Variants in ERBB4 observed in about 807,000 individuals in gnomAD.
ERBB4 encodes the protein receptor tyrosine-protein kinase erbB-4.
Under a neutral mutation model 158.0 loss-of-function variants are expected in ERBB4, and 42 were observed. The ratio of observed to expected loss-of-function variants is 0.27; its 90% CI spans 0.21 to 0.34. The LOEUF (loss-of-function observed/expected upper bound fraction) is 0.34. Among genes scored for constraint, ERBB4 ranks in the 10% least tolerant of loss-of-function variants. The probability of loss-of-function intolerance (pLI) is 1.00; values close to 1 mark genes in which losing one functional copy is unlikely to be tolerated. For missense variants in ERBB4, 1,333 were observed against 1,624.1 expected (o/e 0.82, Z 3.08); for synonymous variants, 583 against 558.7 (o/e 1.04, Z -0.61).
chr2:211,683,394 T>C (rs1000844852), intron 12 of ERBB4, among the ~76,000 whole-genome samples: 10 of 152,180 alleles, frequency 6.6e-5, no homozygotes, highest in Admixed American at 6.5e-5. Context: ...TCCATTACTA[T>C]AATTTGGTAA....
chr2:211,834,251 C>T (rs1193232796), intron 3 of ERBB4, among the ~76,000 whole-genome samples: 2 of 152,084 alleles, frequency 1.3e-5, no homozygotes, highest in East Asian at 1.9e-4. Flanking sequence ...TGTAAATTCA[C>T]CCTGAAGCAA....
At chr2:211,400,703 C>G (rs968201628) in intron 25 of ERBB4, among the ~76,000 whole-genome samples, 2 of 151,386 alleles carry the variant, frequency 1.3e-5, no homozygotes, top group Admixed American at 6.6e-5. Context: ...TAAATAAGAT[C>G]TAGTATTTGA....
intron 12 of ERBB4, 45 bp from the exon 13 acceptor site, chr2:211,679,229 T>A: frequency 6.2e-7 from 1 of 1,607,396 alleles, no homozygotes; most frequent in East Asian, 2.2e-5. Context: ...GAGGATTGTG[T>A]CAAAACTTAA....
At chr2:212,514,453 T>C (rs1691711217) in intron 1 of ERBB4, among the ~76,000 whole-genome samples, 1 of 152,208 alleles carries the variant, frequency 6.6e-6, no homozygotes, top group African/African-American at 2.4e-5. Flanking sequence ...ACATTAGTTG[T>C]CATGTATACC....
At chr2:211,911,819 T>G (rs2079547141) in intron 3 of ERBB4, among the ~76,000 whole-genome samples, 1 of 143,836 alleles carries the variant, frequency 7.0e-6, no homozygotes, top group Non-Finnish European at 1.5e-5. Flanking sequence ...TTTTATTCTT[T>G]TCTTTTTTTT....
chr2:211,502,228 T>C (rs2065635016), intron 20 of ERBB4, among the ~76,000 whole-genome samples: 1 of 152,174 alleles, frequency 6.6e-6, no homozygotes, highest in African/African-American at 2.4e-5. Flanking sequence ...AGAGTTTGCA[T>C]GTGCTCATAA....
chr2:211,383,474 C>A lies in ERBB4; in HGVS notation c.*141G>T, dbSNP rs962446656. 2 of 696,924 alleles carry A rather than the reference C, an allele frequency of 2.9e-6. No individual in the cohort carries two copies. The highest frequency in any genetic ancestry group is 3.5e-5 in the African/African-American group (2 of 56,514). 43.2% of individuals were successfully genotyped at this position (696,924 alleles called of 1,614,324 possible). ...ATGTTCAAGTTAGGTAAGCACATAA[C>A]TATCATTGCATCTCTGTATCTTCCA... On this transcript the variant is annotated 3_prime_UTR_variant, in exon 28 of 28. Transcript: ENST00000342788.
intron 2 of ERBB4, among the ~76,000 whole-genome samples, chr2:212,121,846 C>T (rs560737854): frequency 2.0e-5 from 3 of 152,182 alleles, no homozygotes; most frequent in East Asian, 3.9e-4. Context: ...CATTGAAATG[C>T]CCTTCTCTTA....
chr2:211,600,204 C>T (rs1008633927), intron 19 of ERBB4, among the ~76,000 whole-genome samples: 4 of 152,150 alleles, frequency 2.6e-5, no homozygotes, highest in Non-Finnish European at 4.4e-5. Flanking sequence ...TAGGATTTTT[C>T]AATTTCATTT....
At chr2:211,689,415 T>A (rs2072708577) in intron 12 of ERBB4, among the ~76,000 whole-genome samples, 1 of 152,104 alleles carries the variant, frequency 6.6e-6, no homozygotes, top group Non-Finnish European at 1.5e-5. Flanking sequence ...CCCAGGCTGG[T>A]CTCGAACTCT....
intron 12 of ERBB4, among the ~76,000 whole-genome samples, chr2:211,687,015 G>A (rs1236409061): frequency 6.6e-6 from 1 of 152,112 alleles, no homozygotes; most frequent in African/African-American, 2.4e-5. Context: ...CCAATACTGG[G>A]CTGGGCGTGG....
chr2:212,417,957 C>A (rs1469132261), intron 1 of ERBB4, among the ~76,000 whole-genome samples: 2 of 151,886 alleles, frequency 1.3e-5, no homozygotes, highest in Non-Finnish European at 2.9e-5. Flanking sequence ...GTGAAGCTCT[C>A]ATGATGAAAT....
chr2:212,129,300 G>A (rs1474679893), intron 1 of ERBB4, among the ~76,000 whole-genome samples: 4 of 151,522 alleles, frequency 2.6e-5, no homozygotes, highest in Non-Finnish European at 4.4e-5. Flanking sequence ...GGTGTATTCT[G>A]ACCTTTTATA....
intron 20 of ERBB4, among the ~76,000 whole-genome samples, chr2:211,490,032 A>G (rs2065300185): frequency 6.6e-6 from 1 of 152,086 alleles, no homozygotes; most frequent in African/African-American, 2.4e-5. Flanking sequence ...AGAGGTGATT[A>G]GGCCATGAGG....
At chr2:211,590,559 G>A (rs974895207) in intron 19 of ERBB4, among the ~76,000 whole-genome samples, 7 of 151,730 alleles carry the variant, frequency 4.6e-5, no homozygotes, top group East Asian at 1.9e-4. Flanking sequence ...AAGAAGACAG[G>A]GACCCCCCTC....
At chr2:212,180,823 C>T (rs532396480) in intron 1 of ERBB4, among the ~76,000 whole-genome samples, 1 of 151,736 alleles carries the variant, frequency 6.6e-6, no homozygotes, top group African/African-American at 2.4e-5. Context: ...TGATTACACT[C>T]TTGGGGACAT....
chr2:212,336,842 C>CT (rs35847619), intron 1 of ERBB4, among the ~76,000 whole-genome samples: 147,959 of 152,102 alleles, frequency 0.97, 72,016 homozygotes, highest in Middle Eastern at 1. Context: ...AGCAATGTCT[C>CT]CAAGCTCTAA....
chr2:211,588,658 A>G (rs989797518), intron 19 of ERBB4, among the ~76,000 whole-genome samples: 9 of 152,182 alleles, frequency 5.9e-5, no homozygotes, highest in African/African-American at 2.2e-4. Flanking sequence ...GAGGTTAAGT[A>G]ACTTGACCCA....
intron 1 of ERBB4, among the ~76,000 whole-genome samples, chr2:212,443,210 TA>T (rs1456478111): frequency 4.6e-5 from 7 of 152,246 alleles, no homozygotes; most frequent in African/African-American, 9.6e-5. Context: ...CTTTGTGTCA[TA>T]ATCTTATTCT....
Sources: allele counts gnomAD v4.1 joint callset (sites outside exome capture counted in the v4.1 genomes callset), GRCh38; gene constraint gnomAD v4.1.1; transcripts MANE v1.5; gene names NCBI Gene and HGNC (gene_info 2026-07-23, HGNC 2026-07-21).